GDA: variants seen among roughly 807,000 people sequenced by gnomAD.
GDA encodes cytoplasmic PSD-95 interactor.
Under a neutral mutation model 59.6 loss-of-function variants are expected in GDA, and 18 were observed. The observed-to-expected ratio is 0.30, with a 90% CI of 0.21 to 0.45. The LOEUF (loss-of-function observed/expected upper bound fraction) is 0.45. Among genes scored for constraint, GDA ranks in the 20% least tolerant of loss-of-function variants. The pLI, the probability that GDA is intolerant of heterozygous loss-of-function variation, is 1.00. For missense variants in GDA, 427 were observed against 552.3 expected (o/e 0.77, Z 2.27); for synonymous variants, 201 against 201.1 (o/e 1.00, Z 0.00).
At chr9:72,133,287 T>TAAAAAAAAAAAAA (rs1257876460) in intron 1 of GDA, among the ~76,000 whole-genome samples, 3 of 95,552 alleles carry the variant, frequency 3.1e-5, no homozygotes, top group African/African-American at 8.7e-5. Flanking sequence ...AGACTCTGTC[T>TAAAAAAAAAAAAA]AAAAAAAAAA....
In GDA at chr9:72,241,171, A is replaced by C; in HGVS notation, c.1008A>C (p.Ser336=). 1 of 1,602,448 alleles carries C rather than the reference A, an allele frequency of 6.2e-7. No individual in the cohort carries two copies. Among genetic ancestry groups the C allele is most frequent in the Non-Finnish European group, 8.5e-7 (1 of 1,171,132 alleles). ...CTGCAGACGTGGCTGGTGGCTATTC[A>C]TATTCCATGCTTGATGCAATCAGAA... is the stretch of plus-strand genomic sequence containing the variant. ...GLGTDVAGGY[S]YSMLDAIRRA... Residue 336 remains serine, a synonymous_variant, in exon 11 of 14, where the codon TCA becomes TCC. Coordinates refer to ENST00000358399, the MANE Select transcript of GDA (RefSeq NM_004293.5).
At chr9:72,203,122 C>T (rs1834218659) in intron 3 of GDA, among the ~76,000 whole-genome samples, 1 of 152,192 alleles carries the variant, frequency 6.6e-6, no homozygotes, top group South Asian at 2.1e-4. Flanking sequence ...ATGTGACTCA[C>T]TTTTCCCATC....
chr9:72,122,372 G>A (rs1825690509), intron 1 of GDA, among the ~76,000 whole-genome samples: 1 of 152,026 alleles, frequency 6.6e-6, no homozygotes, highest in Non-Finnish European at 1.5e-5. Flanking sequence ...CTGTAAGATG[G>A]GGAAAATAAT....
chr9:72,211,045 T>A (rs1434635560), intron 4 of GDA, among the ~76,000 whole-genome samples: 1 of 152,216 alleles, frequency 6.6e-6, no homozygotes, highest in East Asian at 1.9e-4. Context: ...TACAGAATGA[T>A]ATATATGAGT....
chr9:72,163,552 G>T (rs1828915776), intron 1 of GDA, among the ~76,000 whole-genome samples: 1 of 151,714 alleles, frequency 6.6e-6, no homozygotes, highest in African/African-American at 2.4e-5. Context: ...GAGTGCAGTG[G>T]CACGATCTCG....
At chr9:72,254,986 G>A (rs529123640), downstream of GDA, among the ~76,000 whole-genome samples, 1 of 152,324 alleles carries the variant, frequency 6.6e-6, no homozygotes, top group African/African-American at 2.4e-5. Context: ...ACAGATAAAG[G>A]CAAGAAAGGC....
At chr9:72,259,671 A>G (rs1478668399), downstream of GDA, among the ~76,000 whole-genome samples, 1 of 152,122 alleles carries the variant, frequency 6.6e-6, no homozygotes, top group Non-Finnish European at 1.5e-5. Flanking sequence ...ATTCTGATAT[A>G]TGCTGCCCCA....
intron 1 of GDA, among the ~76,000 whole-genome samples, chr9:72,131,517 C>A (rs538997184): frequency 2.6e-5 from 4 of 152,242 alleles, no homozygotes; most frequent in African/African-American, 9.6e-5. Context: ...CCATCTCCAA[C>A]ACTGGGAATT....
rs960454092 is a variant in GDA, at chr9:72,238,788, A to G, written c.989-2364A>G. Among the ~76,000 whole-genome samples, 6 of 151,860 alleles carry G rather than the reference A, an allele frequency of 4.0e-5. No individual in the cohort carries two copies. The South Asian group carries it at 6.3e-4, about 16-fold the overall frequency. ...GCAGATCTTCTGAGAAAATGCTTCA[A>G]TTTTCCTTCCTCCTCCACACAGTTT... On this transcript the variant is annotated intron_variant, in intron 10 of 13. Transcript: ENST00000358399.
At chr9:72,190,736 AGCC>A (rs1832442171) in intron 1 of GDA, among the ~76,000 whole-genome samples, 2 of 152,146 alleles carry the variant, frequency 1.3e-5, no homozygotes, top group Admixed American at 1.3e-4. Flanking sequence ...TATACTTGAA[AGCC>A]TTCTGTTGAT....
chr9:72,236,443 A>T (rs1838999260), intron 10 of GDA, among the ~76,000 whole-genome samples: 1 of 152,164 alleles, frequency 6.6e-6, no homozygotes. Flanking sequence ...CTCATATCAT[A>T]AGTTATTGAG....
At chr9:72,118,756 G>A (rs61631395) in intron 1 of GDA, among the ~76,000 whole-genome samples, 130 of 152,256 alleles carry the variant, frequency 8.5e-4, no homozygotes, top group African/African-American at 3.0e-3. Context: ...AAGTTGATGA[G>A]CATGTAAAGA....
chr9:72,213,853 T>A (rs762160874), intron 4 of GDA, 33 bp from the exon 5 acceptor site: 1 of 1,117,044 alleles, frequency 9.0e-7, no homozygotes, highest in African/African-American at 1.6e-5. Context: ...GAAACAAACA[T>A]GCCTTCATAT....
Position 72,228,036 on chromosome 9 carries a change from T to A in GDA, c.916T>A (p.Leu306Ile), listed in dbSNP as rs1351984864. 1 of 1,504,738 alleles carries A rather than the reference T, an allele frequency of 6.6e-7. No homozygotes were observed. The highest frequency in any genetic ancestry group is 1.7e-5 in the Admixed American group (1 of 59,500). The allele number at this position is 1,504,738 out of a possible 1,614,324, so 93.2% of individuals were successfully genotyped here. ...ASIAHCPNSN[L>I]SLSSGFLNVL... The stretch of plus-strand genomic sequence containing the variant: ...CATCGCACACTGTCCCAATTCTAAT[T>A]TATCGTAAGTAGACAATGATTGTTT... Residue 306 changes from leucine to isoleucine, a missense_variant, in exon 9 of 14, where the codon TTA becomes ATA. Transcript: ENST00000358399.
chr9:72,243,478 C>T (rs554800985), intron 11 of GDA, among the ~76,000 whole-genome samples: 1 of 152,168 alleles, frequency 6.6e-6, no homozygotes, highest in Non-Finnish European at 1.5e-5. Context: ...AAAACTCATA[C>T]TTGACATGTT....
intron 10 of GDA, among the ~76,000 whole-genome samples, chr9:72,231,519 T>G (rs1055278833): frequency 1.3e-5 from 2 of 151,154 alleles, no homozygotes; most frequent in African/African-American, 4.9e-5. Context: ...GAGCTGAGAC[T>G]GCGCCACTGC....
chr9:72,193,511 G>A (rs548451776), intron 1 of GDA, among the ~76,000 whole-genome samples: 13 of 152,344 alleles, frequency 8.5e-5, no homozygotes, highest in East Asian at 1.9e-4. Context: ...CCTGAAGCTC[G>A]GGGTAGAGTG....
intron 6 of GDA, 106 bp downstream of exon 6, chr9:72,219,612 A>G (rs982948354): frequency 1.4e-6 from 1 of 733,504 alleles, no homozygotes. Flanking sequence ...GGCTTATCTC[A>G]TGCATGTAGA....
At chr9:72,234,998 T>C (rs926951843) in intron 10 of GDA, among the ~76,000 whole-genome samples, 8 of 152,136 alleles carry the variant, frequency 5.3e-5, no homozygotes, top group African/African-American at 1.9e-4. Flanking sequence ...AGGAACCCTT[T>C]GAAAAACTTA....
Sources: allele counts gnomAD v4.1 joint callset (sites outside exome capture counted in the v4.1 genomes callset), GRCh38; gene constraint gnomAD v4.1.1; transcripts MANE v1.5; gene names NCBI Gene and HGNC (gene_info 2026-07-23, HGNC 2026-07-21).